Variants in UMAD1 observed in about 807,000 individuals in gnomAD.
UMAD1 encodes the protein UBAP1-MVB12-associated (UMA)-domain containing protein 1.
A neutral mutation model predicts 6.1 loss-of-function variants in UMAD1; 8 were observed. The observed-to-expected ratio is 1.30, with a 90% CI of 0.76 to 2.35. UMAD1 has a LOEUF of 2.35. UMAD1 is among the 30% of genes most tolerant of loss of function. The pLI is 0.00. For synonymous variants in UMAD1, 56 were observed against 31.4 expected (o/e 1.78, Z -2.61); for missense variants, 130 against 78.4 (o/e 1.66, Z -2.49).
At chr7:7,779,709 A>G (rs1001897674) in intron 2 of UMAD1, among the ~76,000 whole-genome samples, 1 of 152,064 alleles carries the variant, frequency 6.6e-6, no homozygotes, top group African/African-American at 2.4e-5. Context: ...CAGTGGCACA[A>G]TCTCAGCTCA....
chr7:7,658,800 C>T (rs10952068), intron 1 of UMAD1, among the ~76,000 whole-genome samples: 8,876 of 151,160 alleles, frequency 0.059, 334 homozygotes, highest in Middle Eastern at 0.13. Context: ...TGCCTGGTGT[C>T]GGGATGATGC....
chr7:7,745,224 G>T (rs1781549355), intron 2 of UMAD1, among the ~76,000 whole-genome samples: 1 of 152,062 alleles, frequency 6.6e-6, no homozygotes, highest in African/African-American at 2.4e-5. Context: ...GGAGGAAGAG[G>T]GGAGGTTGGC....
intron 2 of UMAD1, among the ~76,000 whole-genome samples, chr7:7,681,797 C>T (rs948673243): frequency 3.9e-5 from 6 of 152,096 alleles, no homozygotes; most frequent in African/African-American, 1.4e-4. Context: ...AAGACATTAT[C>T]TTTAAGTTGA....
At chr7:7,820,377 G>C (rs1454381828) in intron 3 of UMAD1, among the ~76,000 whole-genome samples, 1 of 152,164 alleles carries the variant, frequency 6.6e-6, no homozygotes, top group Non-Finnish European at 1.5e-5. Context: ...TAAGTCCACT[G>C]ACTTTTTGGT....
At chr7:7,865,293 C>T (rs1485782997) in intron 3 of UMAD1, among the ~76,000 whole-genome samples, 1 of 152,134 alleles carries the variant, frequency 6.6e-6, no homozygotes, top group Non-Finnish European at 1.5e-5. Context: ...TTTGGGCTAC[C>T]TCCAGGAAGT....
rs144198811 is a variant in UMAD1 at position 7,652,115 on chromosome 7, G to T, written c.-64+11294G>T. Among the ~76,000 whole-genome samples the T allele has an allele frequency of 1.4e-3, 215 of 152,280 alleles. 2 individuals are homozygous for T. Among genetic ancestry groups the T allele is most frequent in the African/African-American group, 4.8e-3 (199 of 41,570 alleles). On this transcript the variant is annotated intron_variant, in intron 1 of 3. Transcript: ENST00000682710. ...GCAGTCTTTTTTTCTGGTAGATATAGCTCTTGTATTTTATAATTAAGCTCA... is the reference window on the plus strand; with the variant it reads ...GCAGTCTTTTTTTCTGGTAGATATATCTCTTGTATTTTATAATTAAGCTCA...
intron 2 of UMAD1, among the ~76,000 whole-genome samples, chr7:7,707,706 C>T (rs1373470014): frequency 6.6e-6 from 1 of 152,116 alleles, no homozygotes; most frequent in South Asian, 2.1e-4. Context: ...TAAAGCTATT[C>T]TTAGTGTTAA....
chr7:7,681,707 T>A (rs1779917127), intron 2 of UMAD1, among the ~76,000 whole-genome samples: 1 of 152,164 alleles, frequency 6.6e-6, no homozygotes, highest in Non-Finnish European at 1.5e-5. Flanking sequence ...CTTATACTAC[T>A]ATTTAAAAAT....
chr7:7,654,278 G>A (rs527509337), intron 1 of UMAD1, among the ~76,000 whole-genome samples: 1 of 152,316 alleles, frequency 6.6e-6, no homozygotes, highest in South Asian at 2.1e-4. Flanking sequence ...TTTGACGTCT[G>A]TTTTACCCAA....
intron 3 of UMAD1, among the ~76,000 whole-genome samples, chr7:7,812,140 T>C (rs1783032685): frequency 1.3e-5 from 2 of 152,220 alleles, no homozygotes; most frequent in South Asian, 4.1e-4. Flanking sequence ...CTGGCTTGCA[T>C]TGGGGTTAAC....
intron 2 of UMAD1, among the ~76,000 whole-genome samples, chr7:7,715,525 T>G (rs1454782162): frequency 1.3e-5 from 2 of 152,196 alleles, no homozygotes; most frequent in East Asian, 3.8e-4. Flanking sequence ...ATCTGAATAT[T>G]TCTGTGTGCT....
At chr7:7,665,794 C>G (rs1779434843) in intron 1 of UMAD1, among the ~76,000 whole-genome samples, 1 of 150,098 alleles carries the variant, frequency 6.7e-6, no homozygotes, top group African/African-American at 2.4e-5. Context: ...ATAGTATGAA[C>G]TTTTATATTG....
intron 3 of UMAD1, among the ~76,000 whole-genome samples, chr7:7,873,457 G>C (rs1563277571): frequency 6.6e-6 from 1 of 152,284 alleles, no homozygotes; most frequent in East Asian, 1.9e-4. Flanking sequence ...AGGATAATTA[G>C]CATGGTGAGT....
At chr7:7,702,875 A>G (rs1433089240) in intron 2 of UMAD1, among the ~76,000 whole-genome samples, 3 of 152,140 alleles carry the variant, frequency 2.0e-5, no homozygotes. Context: ...ATGAACAGTT[A>G]TTGCTTCACC....
At chr7:7,742,202 C>G (rs1466469082) in intron 2 of UMAD1, 1 of 680,730 alleles carries the variant, frequency 1.5e-6, no homozygotes, top group Non-Finnish European at 2.8e-6. Context: ...ATCGATGTCA[C>G]AGAGCTTCTT....
chr7:7,661,490 T>C (rs977868252), intron 1 of UMAD1, among the ~76,000 whole-genome samples: 2 of 152,198 alleles, frequency 1.3e-5, no homozygotes, highest in African/African-American at 4.8e-5. Context: ...TCAGTGGGGT[T>C]TCTGAGTGGA....
At chr7:7,723,081 A>G (rs1583775675) in intron 2 of UMAD1, among the ~76,000 whole-genome samples, 1 of 152,300 alleles carries the variant, frequency 6.6e-6, no homozygotes, top group Admixed American at 6.5e-5. Flanking sequence ...GATTCTCCTC[A>G]GGAGCCACTG....
At chr7:7,647,921 G>C (rs1362986984) in intron 1 of UMAD1, among the ~76,000 whole-genome samples, 2 of 152,090 alleles carry the variant, frequency 1.3e-5, no homozygotes, top group African/African-American at 4.8e-5. Context: ...TAAAGTTTTT[G>C]TTGTTGTTGT....
intron 3 of UMAD1, 46 bp downstream of exon 3, chr7:7,801,789 A>T (rs368654291): frequency 1.4e-6 from 1 of 713,974 alleles, no homozygotes; most frequent in South Asian, 1.5e-5. Flanking sequence ...TGAACAAGTC[A>T]CTATGATTAC....
Sources: gnomAD v4.1 joint callset for allele counts (sites outside exome capture counted in the v4.1 genomes callset) on GRCh38, gnomAD v4.1.1 for gene constraint, MANE v1.5 for transcripts, NCBI Gene and HGNC (gene_info 2026-07-23, HGNC 2026-07-21) for gene names.